MAGI2: variants seen among roughly 807,000 people sequenced by gnomAD.
MAGI2 encodes the protein membrane associated guanylate kinase, WW and PDZ domain containing 2.
A neutral mutation model predicts 133.3 loss-of-function variants in MAGI2; 35 were observed. That is an observed-to-expected ratio of 0.26 (90% CI 0.20 to 0.35). The LOEUF is 0.35. Among genes scored for constraint, MAGI2 ranks in the 10% least tolerant of loss-of-function variants. The pLI is 1.00. For synonymous variants in MAGI2, 729 were observed against 710.6 expected (o/e 1.03, Z -0.41); for missense variants, 1,636 against 1,863.4 (o/e 0.88, Z 2.25).
At chr7:78,453,847 T>C (rs1319515887) in intron 6 of MAGI2, among the ~76,000 whole-genome samples, 1 of 152,114 alleles carries the variant, frequency 6.6e-6, no homozygotes, top group Non-Finnish European at 1.5e-5. Context: ...TTTGTTGAAA[T>C]ATTTTTATAG....
intron 9 of MAGI2, among the ~76,000 whole-genome samples, chr7:78,335,040 T>C (rs1392531024): frequency 1.3e-5 from 2 of 152,238 alleles, no homozygotes; most frequent in Non-Finnish European, 2.9e-5. Context: ...CTCTTGTTTT[T>C]ACATGTTGTC....
At position 78,361,438 on chromosome 7, in the gene MAGI2, C is replaced by A. The variant is rs192989100; in HGVS notation, c.1103+7718G>T. On this transcript the variant is annotated intron_variant, in intron 7 of 21. Transcript: ENST00000354212. Reference sequence around the variant, plus strand: ...AGACAAATACAACCCCCCTCCCCCCCACAAAATGTGTTTATGTTGCAGTTA... The same window carrying A: ...AGACAAATACAACCCCCCTCCCCCCAACAAAATGTGTTTATGTTGCAGTTA... Among the ~76,000 whole-genome samples the A allele has an allele frequency of 5.8e-3, 874 of 151,092 alleles. 4 individuals carry two copies. The highest frequency in any genetic ancestry group is 0.036 in the South Asian group (172 of 4,768).
At chr7:79,178,711 CA>C (rs946908429) in intron 1 of MAGI2, among the ~76,000 whole-genome samples, 29 of 135,434 alleles carry the variant, frequency 2.1e-4, no homozygotes, top group South Asian at 7.0e-4. Flanking sequence ...GACTCCATTT[CA>C]AAAAAAAAAA....
chr7:78,680,308 A>T (rs1334928696), intron 2 of MAGI2, among the ~76,000 whole-genome samples: 6 of 152,172 alleles, frequency 3.9e-5, no homozygotes. Flanking sequence ...TAAAGCATGT[A>T]TTGAAATGGA....
chr7:78,972,938 T>TACACACACACAC (rs3069435), intron 2 of MAGI2, among the ~76,000 whole-genome samples: 316 of 148,350 alleles, frequency 2.1e-3, no homozygotes, highest in African/African-American at 6.9e-3. Flanking sequence ...TTGTTGCTTT[T>TACACACACACAC]ACACACACAC....
At chr7:78,139,764 T>A (rs1457895945) in intron 16 of MAGI2, among the ~76,000 whole-genome samples, 2 of 152,200 alleles carry the variant, frequency 1.3e-5, no homozygotes, top group Non-Finnish European at 2.9e-5. Context: ...AGATAATGTG[T>A]CACTAGTCAG....
chr7:79,344,777 G>GTAAT lies in MAGI2; in HGVS notation c.301+108239_301+108242dup, dbSNP rs572695086. On this transcript the variant is annotated intron_variant, in intron 1 of 21. Coordinates refer to ENST00000354212, the MANE Select transcript of MAGI2 (RefSeq NM_012301.4). ...CCACGGAAAGTTATTAGGGAACAGG[G>GTAAT]TAATATAAATGTGGCATTTACCTGG... Among the ~76,000 whole-genome samples, 19 of 152,174 alleles carry GTAAT rather than the reference G, an allele frequency of 1.2e-4. No homozygotes were observed. The East Asian group carries it at 3.7e-3, about 29-fold the overall frequency.
At chr7:78,436,044 G>A (rs567396836) in intron 6 of MAGI2, among the ~76,000 whole-genome samples, 9 of 152,222 alleles carry the variant, frequency 5.9e-5, no homozygotes, top group South Asian at 2.1e-4. Flanking sequence ...GGAAAGATCC[G>A]GGGTGAGTGC....
intron 15 of MAGI2, among the ~76,000 whole-genome samples, chr7:78,161,253 T>C (rs965226505): frequency 6.6e-6 from 1 of 152,190 alleles, no homozygotes; most frequent in African/African-American, 2.4e-5. Flanking sequence ...CAAAAGAAGC[T>C]AGTTTTTGAA....
At chr7:78,714,483 A>G (rs1819514027) in intron 2 of MAGI2, among the ~76,000 whole-genome samples, 2 of 152,136 alleles carry the variant, frequency 1.3e-5, no homozygotes, top group Non-Finnish European at 2.9e-5. Context: ...CCCACCTTCC[A>G]TCTGATTCCT....
intron 6 of MAGI2, chr7:78,485,322 T>A (rs1161390901): frequency 1.3e-5 from 2 of 152,028 alleles, no homozygotes; most frequent in Non-Finnish European, 2.9e-5. Context: ...TGTAGACTGC[T>A]GCTAAAACTC....
At chr7:79,219,978 T>C (rs1337290583) in intron 1 of MAGI2, among the ~76,000 whole-genome samples, 4 of 152,004 alleles carry the variant, frequency 2.6e-5, no homozygotes, top group Non-Finnish European at 5.9e-5. Context: ...ATCCTCACAA[T>C]ACTCATATGG....
chr7:78,782,718 C>T (rs1318042170), intron 2 of MAGI2, among the ~76,000 whole-genome samples: 2 of 152,040 alleles, frequency 1.3e-5, no homozygotes, highest in Non-Finnish European at 2.9e-5. Flanking sequence ...ATACAGACTG[C>T]CTGTGGGCCA....
At chr7:78,453,850 T>C (rs1279592200) in intron 6 of MAGI2, among the ~76,000 whole-genome samples, 1 of 152,106 alleles carries the variant, frequency 6.6e-6, no homozygotes, top group Non-Finnish European at 1.5e-5. Context: ...GTTGAAATAT[T>C]TTTATAGATT....
intron 2 of MAGI2, among the ~76,000 whole-genome samples, chr7:78,646,048 T>C (rs1236328531): frequency 6.6e-6 from 1 of 152,156 alleles, no homozygotes; most frequent in Non-Finnish European, 1.5e-5. Flanking sequence ...CCAGCAAAAG[T>C]ATTTTTAAAA....
chr7:78,505,372 C>G (rs1166247577), intron 4 of MAGI2, among the ~76,000 whole-genome samples: 14 of 152,048 alleles, frequency 9.2e-5, no homozygotes. Flanking sequence ...TAATATGGCC[C>G]TTAATGATAG....
At chr7:78,381,605 G>A (rs1794930571) in intron 6 of MAGI2, among the ~76,000 whole-genome samples, 3 of 151,896 alleles carry the variant, frequency 2.0e-5, no homozygotes, top group African/African-American at 7.3e-5. Context: ...TAAATGGAAG[G>A]GAAAAAAACC....
chr7:79,145,802 C>A (rs1360121245), intron 1 of MAGI2, among the ~76,000 whole-genome samples: 2 of 152,154 alleles, frequency 1.3e-5, no homozygotes, highest in African/African-American at 4.8e-5. Context: ...AAGGCTGATG[C>A]TAGTTGAAGT....
intron 2 of MAGI2, among the ~76,000 whole-genome samples, chr7:78,905,790 AT>A (rs1451374250): frequency 3.3e-5 from 5 of 152,172 alleles, no homozygotes; most frequent in Non-Finnish European, 5.9e-5. Flanking sequence ...AATTGAATGC[AT>A]TTAGTTTGGT....
Sources: allele counts gnomAD v4.1 joint callset (sites outside exome capture counted in the v4.1 genomes callset), GRCh38; gene constraint gnomAD v4.1.1; transcripts MANE v1.5; gene names NCBI Gene and HGNC (gene_info 2026-07-23, HGNC 2026-07-21).